The following DLGAP3 variants were observed in gnomAD, a reference collection of about 807,000 sequenced individuals.
The protein encoded by DLGAP3 is DLG associated protein 3.
DLGAP3 carries 17 observed loss-of-function variants against 81.2 expected under a neutral mutation model. The observed-to-expected ratio is 0.21, with a 90% CI of 0.14 to 0.31. DLGAP3 has a LOEUF of 0.31. Among genes scored for constraint, DLGAP3 ranks in the 10% least tolerant of loss-of-function variants. DLGAP3 has a pLI of 1.00. For synonymous variants in DLGAP3, 577 were observed against 587.4 expected, an observed-to-expected ratio of 0.98 and a Z score of 0.26; for missense variants, 1,124 against 1,388.0, an observed-to-expected ratio of 0.81 and a Z score of 3.02.
At chr1:34,920,409 C>G (rs1639779739) in intron 1 of DLGAP3, among the ~76,000 whole-genome samples, 1 of 152,150 alleles carries the variant, frequency 6.6e-6, no homozygotes, top group Non-Finnish European at 1.5e-5. Flanking sequence ...TGGAGGGTGT[C>G]CAGCCTGTCA....
chr1:34,898,390 A>G (rs945608966), intron 5 of DLGAP3, among the ~76,000 whole-genome samples: 6 of 152,232 alleles, frequency 3.9e-5, no homozygotes, highest in Non-Finnish European at 8.8e-5. Context: ...GGAGTCTTCA[A>G]CTGTGTTACA....
intron 5 of DLGAP3, among the ~76,000 whole-genome samples, chr1:34,888,248 A>G (rs1051621284): frequency 3.9e-5 from 6 of 152,188 alleles, no homozygotes; most frequent in Non-Finnish European, 8.8e-5. Context: ...AAAGCATAAC[A>G]TGATTTCACT....
intron 5 of DLGAP3, among the ~76,000 whole-genome samples, chr1:34,892,250 T>C (rs76897647): frequency 0.012 from 1,890 of 152,258 alleles, 41 homozygotes; most frequent in African/African-American, 0.043. Flanking sequence ...GAGCTCACCA[T>C]AATAAATGAT....
rs1405775320 is a variant in DLGAP3 at position 34,885,663 on chromosome 1, G to T, written c.1729C>A (p.Arg577=). The change falls in exon 7 of 12, where the codon CGG becomes AGG. Residue 577 remains arginine (R), a synonymous_variant. Coordinates refer to ENST00000373347, the MANE Select transcript of DLGAP3 (RefSeq NM_001080418.3). The part of the protein sequence containing the change: ...ESFTAAEGPA[R]RCSSADGLDG... ...AGCCCGTCGGCGGAGCTGCAGCGCCGGGCGGGGCCCTCGGCCGCCGTGAAG... is the reference window on the plus strand; with the variant it reads ...AGCCCGTCGGCGGAGCTGCAGCGCCTGGCGGGGCCCTCGGCCGCCGTGAAG... 1 of 1,417,480 alleles carries T rather than the reference G, an allele frequency of 7.1e-7. No homozygotes were observed. Among genetic ancestry groups the T allele is most frequent in the Non-Finnish European group, 9.1e-7 (1 of 1,094,818 alleles). 87.8% of individuals were successfully genotyped at this position (1,417,480 alleles called of 1,614,324 possible). A position where few individuals can be genotyped will look rare whatever the true frequency, so the allele number is the denominator to read the frequency against.
At chr1:34,911,769 C>T (rs1481033140) in intron 1 of DLGAP3, among the ~76,000 whole-genome samples, 1 of 152,200 alleles carries the variant, frequency 6.6e-6, no homozygotes, top group Non-Finnish European at 1.5e-5. Context: ...ACAAATCTCA[C>T]TGGGAAACCA....
chr1:34,912,667 C>A (rs796873598), intron 1 of DLGAP3, among the ~76,000 whole-genome samples: 1 of 152,156 alleles, frequency 6.6e-6, no homozygotes, highest in Non-Finnish European at 1.5e-5. Flanking sequence ...CTCCTCCATG[C>A]CTGTGATAAG....
At chr1:34,890,422 T>C (rs1334495710) in intron 5 of DLGAP3, among the ~76,000 whole-genome samples, 1 of 152,252 alleles carries the variant, frequency 6.6e-6, no homozygotes, top group African/African-American at 2.4e-5. Flanking sequence ...CCTTGTGTAA[T>C]CCCTTTCTCA....
chr1:34,878,697 T>C (rs1166585036), intron 8 of DLGAP3, among the ~76,000 whole-genome samples: 1 of 152,106 alleles, frequency 6.6e-6, no homozygotes, highest in Non-Finnish European at 1.5e-5. Context: ...ATTTGAAAAA[T>C]ATAATTTATA....
intron 8 of DLGAP3, 42 bp downstream of exon 8, chr1:34,884,936 C>T (rs377594660): frequency 2.5e-4 from 370 of 1,460,748 alleles, no homozygotes; most frequent in Non-Finnish European, 3.5e-4. Context: ...CTCTCTCCTC[C>T]TGTCTCCCAG....
At chr1:34,898,763 CAT>C (rs1639412560) in intron 5 of DLGAP3, among the ~76,000 whole-genome samples, 1 of 152,224 alleles carries the variant, frequency 6.6e-6, no homozygotes, top group African/African-American at 2.4e-5. Context: ...AACCCCATCT[CAT>C]GTGTTTAATC....
intron 5 of DLGAP3, among the ~76,000 whole-genome samples, chr1:34,894,837 A>C (rs886908578): frequency 6.6e-6 from 1 of 152,186 alleles, no homozygotes; most frequent in African/African-American, 2.4e-5. Context: ...AGTAACAATA[A>C]TAATAGAGAC....
At chr1:34,889,156 A>C (rs1639277858) in intron 5 of DLGAP3, among the ~76,000 whole-genome samples, 1 of 152,216 alleles carries the variant, frequency 6.6e-6, no homozygotes, top group South Asian at 2.1e-4. Flanking sequence ...ACTCAGAATG[A>C]GAAGTGCCTC....
At position 34,867,735 on chromosome 1, in the gene DLGAP3, A is replaced by C; in HGVS notation, c.2486-108T>G. On this transcript the variant is annotated intron_variant, in intron 9 of 11. Coordinates refer to ENST00000373347, the MANE Select transcript of DLGAP3 (RefSeq NM_001080418.3). This position sits in a 1 kb window ranked among gnomAD's most constrained non-coding sequence, Gnocchi z 4.3. The stretch of plus-strand genomic sequence containing the variant: ...ACCCCTCGGTTGCTTGGCACTGTGT[A>C]TCCATCAGTCTCCTCCAGCCCCAGC... The C allele has an allele frequency of 3.4e-6, 3 of 886,182 alleles. No homozygotes were observed. In the South Asian group the frequency reaches 4.0e-5, roughly 12 times the overall value. 54.9% of individuals were successfully genotyped at this position (886,182 alleles called of 1,614,324 possible). A position where few individuals can be genotyped will look rare whatever the true frequency, so the allele number is the denominator to read the frequency against.
rs983860925 is a variant in DLGAP3 at position 34,885,700 on chromosome 1, G to T, written c.1692C>A (p.Ser564=). 7.1e-7 allele frequency: 1 copy of T among 1,417,100 alleles called. No homozygotes were observed. Among genetic ancestry groups the T allele is most frequent in the South Asian group, 1.6e-5 (1 of 62,662 alleles). 87.8% of individuals were successfully genotyped at this position (1,417,100 alleles called of 1,614,324 possible). The stretch of plus-strand genomic sequence containing the variant: ...CGGCCGCCGTGAAGCTCTCGTGCGC[G>T]GAGTCGGTGCTGCTCTGGGCGGTGA... ...ISITAQSSTD[S]AHESFTAAEG... is the part of the protein sequence containing the mutation. The change falls in exon 7 of 12, where the codon TCC becomes TCA. Residue 564 remains serine, a synonymous_variant. Coordinates refer to ENST00000373347, the MANE Select transcript of DLGAP3 (RefSeq NM_001080418.3).
intron 1 of DLGAP3, among the ~76,000 whole-genome samples, chr1:34,908,753 G>A (rs1298831549): frequency 6.6e-6 from 1 of 152,154 alleles, no homozygotes; most frequent in African/African-American, 2.4e-5. Context: ...GACAAGGTGA[G>A]ACATACCCAG....
At chr1:34,922,959 T>A (rs1639817427) in intron 1 of DLGAP3, among the ~76,000 whole-genome samples, 1 of 149,250 alleles carries the variant, frequency 6.7e-6, no homozygotes, top group African/African-American at 2.5e-5. Flanking sequence ...AAATCGTCAT[T>A]TTTTTTTTTA....
intron 5 of DLGAP3, among the ~76,000 whole-genome samples, chr1:34,896,050 A>G (rs1382598475): frequency 6.6e-6 from 1 of 152,206 alleles, no homozygotes; most frequent in African/African-American, 2.4e-5. Flanking sequence ...TGCATTAGAC[A>G]AAGATTTCTT....
intron 1 of DLGAP3, among the ~76,000 whole-genome samples, chr1:34,912,388 G>A (rs1444948724): frequency 6.6e-6 from 1 of 152,170 alleles, no homozygotes; most frequent in Admixed American, 6.5e-5. Flanking sequence ...CTCAGCATTT[G>A]GCACAAAGTG....
chr1:34,927,722 T>C (rs1301353036), intron 1 of DLGAP3, among the ~76,000 whole-genome samples: 1 of 143,252 alleles, frequency 7.0e-6, no homozygotes, highest in East Asian at 2.3e-4. Context: ...CTTTTAGGCA[T>C]TGGCAGCTGG....
Sources: gnomAD v4.1 joint callset for allele counts (sites outside exome capture counted in the v4.1 genomes callset) on GRCh38, gnomAD v4.1.1 for gene constraint, Gnocchi (gnomAD v3.1) non-coding constraint, MANE v1.5 for transcripts, NCBI Gene and HGNC (gene_info 2026-07-23, HGNC 2026-07-21) for gene names.